WWOX: variants seen among roughly 807,000 people sequenced by gnomAD.
WWOX encodes the protein WW domain-containing oxidoreductase.
A neutral mutation model predicts 46.2 loss-of-function variants in WWOX; 69 were observed. The observed-to-expected ratio is 1.49, with a 90% confidence interval of 1.23 to 1.82. The LOEUF is 1.82. Among genes scored for constraint, WWOX ranks in the 40% most tolerant of loss-of-function variants. WWOX has a pLI of 0.00. For missense variants in WWOX, 919 were observed against 542.6 expected (o/e 1.69, Z -6.89); for synonymous variants, 359 against 202.6 (o/e 1.77, Z -6.56).
At chr16:78,524,119 C>A (rs1349677976) in intron 8 of WWOX, among the ~76,000 whole-genome samples, 1 of 152,134 alleles carries the variant, frequency 6.6e-6, no homozygotes, top group East Asian at 1.9e-4. Flanking sequence ...CGGCAAACAT[C>A]ACTTTGTAAT....
intron 8 of WWOX, among the ~76,000 whole-genome samples, chr16:78,436,627 G>A (rs917083263): frequency 1.3e-4 from 20 of 152,234 alleles, no homozygotes; most frequent in African/African-American, 4.3e-4. Flanking sequence ...AAAGTAATAC[G>A]TCACTTCATG....
At chr16:79,206,452 C>G (rs998395572) in intron 8 of WWOX, 5 of 152,314 alleles carry the variant, frequency 3.3e-5, no homozygotes, top group African/African-American at 9.6e-5. Context: ...AGGCTTCTCT[C>G]TAAATAAATG....
intron 6 of WWOX, among the ~76,000 whole-genome samples, chr16:78,404,069 A>G (rs932151447): frequency 2.0e-5 from 3 of 152,234 alleles, no homozygotes; most frequent in Admixed American, 6.5e-5. Context: ...TAAAAAGTAT[A>G]GAAGAGTTCG....
At position 78,355,686 on chromosome 16, in the gene WWOX, T is replaced by C. The variant is rs1213628886; in HGVS notation, c.517-31174T>C. Reference sequence around the variant, plus strand: ...TATGATCAACATTTAAATATGATCTTGGGAGACGTGGAAGAAACTGTGACT... The same window carrying C: ...TATGATCAACATTTAAATATGATCTCGGGAGACGTGGAAGAAACTGTGACT... On this transcript the variant is annotated intron_variant, in intron 5 of 8. Coordinates refer to ENST00000566780, the MANE Select transcript of WWOX (RefSeq NM_016373.4). The C allele has an allele frequency of 6.8e-6, 5 of 734,218 alleles. No homozygotes were observed. The Admixed American group carries it at 9.5e-5, about 14-fold the overall frequency. The allele number at this position is 734,218 out of a possible 1,614,324, so 45.5% of individuals were successfully genotyped here. A position where few individuals can be genotyped will look rare whatever the true frequency, so the allele number is the denominator to read the frequency against.
At chr16:78,634,628 C>T (rs923542301) in intron 8 of WWOX, among the ~76,000 whole-genome samples, 3 of 151,454 alleles carry the variant, frequency 2.0e-5, no homozygotes, top group African/African-American at 7.3e-5. Context: ...ATCATTTGAA[C>T]CCAGGAGGCG....
intron 8 of WWOX, chr16:79,077,800 T>C (rs1027268060): frequency 6.6e-6 from 1 of 152,212 alleles, no homozygotes; most frequent in Non-Finnish European, 1.5e-5. Context: ...AATTCAAAGA[T>C]TGAAGTTTGT....
intron 8 of WWOX, among the ~76,000 whole-genome samples, chr16:78,747,482 C>T (rs1051067778): frequency 6.6e-6 from 1 of 152,074 alleles, no homozygotes; most frequent in Non-Finnish European, 1.5e-5. Context: ...TATGTGCCAG[C>T]GTTCTTAGCA....
chr16:78,557,942 C>G (rs1012145902), intron 8 of WWOX, among the ~76,000 whole-genome samples: 1 of 152,004 alleles, frequency 6.6e-6, no homozygotes, highest in Non-Finnish European at 1.5e-5. Context: ...GGTGATCTGC[C>G]CACCTTGGCC....
intron 8 of WWOX, among the ~76,000 whole-genome samples, chr16:78,565,082 A>C (rs547251157): frequency 3.4e-4 from 51 of 152,194 alleles, no homozygotes; most frequent in African/African-American, 1.2e-3. Context: ...ACTGGAAGGA[A>C]CCTCAGTTTG....
intron 8 of WWOX, chr16:78,896,676 G>A (rs1282406806): frequency 2.0e-5 from 3 of 151,938 alleles, no homozygotes; most frequent in Non-Finnish European, 4.4e-5. Flanking sequence ...CATTTTTGTC[G>A]ATTGGATTGT....
intron 8 of WWOX, chr16:78,896,551 C>G (rs888885696): frequency 6.6e-6 from 1 of 152,106 alleles, no homozygotes; most frequent in Admixed American, 6.6e-5. Context: ...GAGAAGCAAA[C>G]GCATCATAAT....
intron 8 of WWOX, among the ~76,000 whole-genome samples, chr16:78,672,493 A>C (rs2047490845): frequency 6.6e-6 from 1 of 152,158 alleles, no homozygotes. Flanking sequence ...TCAGGCATGC[A>C]CAGGTATCCT....
intron 8 of WWOX, among the ~76,000 whole-genome samples, chr16:78,542,926 A>G (rs1194162606): frequency 6.6e-6 from 1 of 152,238 alleles, no homozygotes. Flanking sequence ...TTCTGTAGCC[A>G]GAACCAATAG....
At chr16:79,011,055 T>A (rs1049218170) in intron 8 of WWOX, among the ~76,000 whole-genome samples, 1 of 152,024 alleles carries the variant, frequency 6.6e-6, no homozygotes, top group East Asian at 1.9e-4. Flanking sequence ...TATATAAATA[T>A]ATGATAAGTA....
At chr16:78,651,792 G>A (rs188622378) in intron 8 of WWOX, among the ~76,000 whole-genome samples, 15 of 152,300 alleles carry the variant, frequency 9.8e-5, no homozygotes, top group Non-Finnish European at 1.3e-4. Context: ...GACACTGTTG[G>A]ATGGGAATCT....
At chr16:78,536,170 AC>A (rs1488612624) in intron 8 of WWOX, among the ~76,000 whole-genome samples, 1 of 151,868 alleles carries the variant, frequency 6.6e-6, no homozygotes, top group Admixed American at 6.6e-5. Flanking sequence ...AACATAAACC[AC>A]CCCCAGAGTA....
chr16:78,225,846 G>A (rs1407446968), intron 5 of WWOX, among the ~76,000 whole-genome samples: 1 of 152,046 alleles, frequency 6.6e-6, no homozygotes, highest in East Asian at 1.9e-4. Context: ...TTTCCAAGCA[G>A]CACCTCTCTT....
At chr16:78,946,114 C>T (rs1827681) in intron 8 of WWOX, among the ~76,000 whole-genome samples, 18,340 of 152,082 alleles carry the variant, frequency 0.12, 1,137 homozygotes, top group African/African-American at 0.14. Context: ...GAAATTCCTC[C>T]AGTTAATTTT....
intron 4 of WWOX, among the ~76,000 whole-genome samples, chr16:78,141,348 A>C (rs1222981828): frequency 6.6e-6 from 1 of 151,956 alleles, no homozygotes; most frequent in Non-Finnish European, 1.5e-5. Flanking sequence ...TTATCTTTAA[A>C]GGGAACAAAT....
Sources: allele counts gnomAD v4.1 joint callset (sites outside exome capture counted in the v4.1 genomes callset), GRCh38; gene constraint gnomAD v4.1.1; transcripts MANE v1.5; gene names NCBI Gene and HGNC (gene_info 2026-07-23, HGNC 2026-07-21).